LDLRAD4: variants seen among roughly 807,000 people sequenced by gnomAD.
The protein encoded by LDLRAD4 is low-density lipoprotein receptor class A domain-containing protein 4.
In LDLRAD4, 5 loss-of-function variants were observed where a neutral mutation model predicts 17.0. The observed-to-expected ratio is 0.29, with a 90% CI of 0.15 to 0.62. The LOEUF (loss-of-function observed/expected upper bound fraction) is 0.62. Ranked by LOEUF, LDLRAD4 falls within the 20% of genes least tolerant of loss-of-function variation. LDLRAD4 has a pLI of 0.84. For missense variants in LDLRAD4, 340 were observed against 424.7 expected (o/e 0.80, Z 1.75); for synonymous variants, 168 against 171.8 (o/e 0.98, Z 0.17).
intron 3 of LDLRAD4, 98 bp downstream of exon 4, chr18:13,438,482 G>T (rs543638427): frequency 1.1e-5 from 10 of 927,024 alleles, no homozygotes; most frequent in South Asian, 7.9e-5. Flanking sequence ...TTGTTTTCTG[G>T]TTAAGGAAAG....
At chr18:13,550,804 G>A (rs1276957586) in intron 3 of LDLRAD4, among the ~76,000 whole-genome samples, 1 of 152,168 alleles carries the variant, frequency 6.6e-6, no homozygotes, top group Non-Finnish European at 1.5e-5. Flanking sequence ...GCTGTGAGTG[G>A]TGTCCAGAAC....
At chr18:13,396,786 T>TTTTTATTG (rs2086734639) in intron 2 of LDLRAD4, among the ~76,000 whole-genome samples, 1 of 152,206 alleles carries the variant, frequency 6.6e-6, no homozygotes, top group Non-Finnish European at 1.5e-5. Context: ...CCTGGCCTAT[T>TTTTTATTG]TTTTATTGTT....
chr18:13,279,763 A>G (rs1294506686), intron 1 of LDLRAD4: 3 of 152,268 alleles, frequency 2.0e-5, no homozygotes, highest in Admixed American at 1.3e-4. Context: ...CAGAGCAGCT[A>G]AAGAAGAAAT....
chr18:13,612,366 ACT>A (rs1360281771), intron 3 of LDLRAD4: 20 of 1,158,640 alleles, frequency 1.7e-5, no homozygotes, highest in Non-Finnish European at 2.1e-5. Flanking sequence ...GAGACCCCGG[ACT>A]TATTCTCTGC....
intron 2 of LDLRAD4, among the ~76,000 whole-genome samples, chr18:13,397,619 C>T (rs1038747204): frequency 3.3e-5 from 5 of 152,134 alleles, no homozygotes; most frequent in Non-Finnish European, 7.4e-5. Context: ...TTTCTGAATC[C>T]TACCACCTGT....
Position 13,262,290 on chromosome 18 carries a change from A to T in LDLRAD4, c.-466-15815A>T, listed in dbSNP as rs61052364. Among the ~76,000 whole-genome samples, 245 of 130,092 alleles carry T rather than the reference A, an allele frequency of 1.9e-3. 2 individuals carry two copies. Among genetic ancestry groups the T allele is most frequent in the African/African-American group, 7.1e-3 (212 of 29,964 alleles). The allele number at this position is 130,092 out of a possible 152,430, so 85.3% of individuals were successfully genotyped here. Reference sequence around the variant, plus strand: ...GTCCCGTGTGGCCCTGTGCGTGGAAACTGAGTCCCGTGTGGCTCTGTGTGT... The same window carrying T: ...GTCCCGTGTGGCCCTGTGCGTGGAATCTGAGTCCCGTGTGGCTCTGTGTGT... On this transcript the variant is annotated intron_variant, in intron 1 of 5. Transcript: ENST00000399848.
rs944503435 is a variant in LDLRAD4, at chr18:13,346,115, A to C, written c.-382-41226A>C. Among the ~76,000 whole-genome samples the C allele has an allele frequency of 1.5e-4, 23 of 151,996 alleles. No homozygotes were observed. The East Asian group carries it at 2.1e-3, about 14-fold the overall frequency. On this transcript the variant is annotated intron_variant, in intron 1 of 5. Coordinates refer to ENST00000359446, the Ensembl canonical transcript of LDLRAD4. ...CCTGATCTTAGTTATTTCTTGCCTT[A>C]TGCTAGCTTTTGAATGTGTTTGCTC...
chr18:13,572,835 G>A lies in LDLRAD4; in HGVS notation c.182-48282G>A, dbSNP rs142876514. ...AGGAATTTGTTAGCAGTGCATACCC[G>A]TGGCAAGAGCTGTGGCTAAAGCACA... On this transcript the variant is annotated intron_variant, in intron 3 of 5. Transcript: ENST00000359446. Among the ~76,000 whole-genome samples the A allele has an allele frequency of 1.1e-4, 17 of 152,322 alleles. No individual in the cohort carries two copies. In the East Asian group the frequency reaches 1.5e-3, roughly 14 times the overall value.
chr18:13,261,188 T>C (rs932501210), intron 1 of LDLRAD4, among the ~76,000 whole-genome samples: 6 of 152,266 alleles, frequency 3.9e-5, no homozygotes, highest in African/African-American at 1.4e-4. Flanking sequence ...TGGGGCACAT[T>C]AGTCCTGGCT....
chr18:13,484,931 A>T (rs12956521), intron 3 of LDLRAD4, among the ~76,000 whole-genome samples: 43,236 of 152,148 alleles, frequency 0.28, 6,776 homozygotes, highest in Middle Eastern at 0.42. Flanking sequence ...TCACTCTAAA[A>T]CATTAGAATA....
intron 3 of LDLRAD4, among the ~76,000 whole-genome samples, chr18:13,511,380 C>T (rs978702057): frequency 1.6e-4 from 24 of 152,054 alleles, no homozygotes; most frequent in African/African-American, 4.6e-4. Context: ...GGCATGGTCT[C>T]GCACACCTGT....
At position 13,367,670 on chromosome 18, in the gene LDLRAD4, G is replaced by T. The variant is rs1268725701; in HGVS notation, c.-382-19671G>T. 6.6e-6 allele frequency among the ~76,000 whole-genome samples: 1 copy of T among 152,122 alleles called. No individual in the cohort carries two copies. Among genetic ancestry groups the T allele is most frequent in the Non-Finnish European group, 1.5e-5 (1 of 68,020 alleles). On this transcript the variant is annotated intron_variant, in intron 1 of 5. Transcript: ENST00000359446. The surrounding 1 kb of genome is among the most constrained non-coding windows in gnomAD (Gnocchi z 4.1). ...CCCATCTGCTGTCAAGGAGTGTGCCGAGAGGGGACAGCCGGGCACGGGGGC... is the reference window on the plus strand; with the variant it reads ...CCCATCTGCTGTCAAGGAGTGTGCCTAGAGGGGACAGCCGGGCACGGGGGC...
intron 3 of LDLRAD4, among the ~76,000 whole-genome samples, chr18:13,566,209 A>T (rs368186896): frequency 1.3e-5 from 2 of 152,188 alleles, no homozygotes; most frequent in Admixed American, 6.5e-5. Flanking sequence ...GGGAGATAGT[A>T]GGGGAAAGGG....
chr18:13,297,826 G>C (rs2046355923), intron 1 of LDLRAD4, among the ~76,000 whole-genome samples: 1 of 152,208 alleles, frequency 6.6e-6, no homozygotes, highest in Non-Finnish European at 1.5e-5. Flanking sequence ...GTCCAGTGTT[G>C]AAGTCCCTAC....
chr18:13,504,894 T>TAGTGGGA (rs2093666443), intron 3 of LDLRAD4, among the ~76,000 whole-genome samples: 1 of 152,156 alleles, frequency 6.6e-6, no homozygotes, highest in South Asian at 2.1e-4. Flanking sequence ...TATCCACCCT[T>TAGTGGGA]AGTAAGAAGC....
At chr18:13,486,388 A>T (rs1334229922) in intron 3 of LDLRAD4, 1 of 152,278 alleles carries the variant, frequency 6.6e-6, no homozygotes, top group African/African-American at 2.4e-5. Flanking sequence ...ATAGCAAGTT[A>T]CAATTTAAAG....
At chr18:13,636,598 C>G (rs1010506578) in intron 4 of LDLRAD4, among the ~76,000 whole-genome samples, 1 of 139,118 alleles carries the variant, frequency 7.2e-6, no homozygotes, top group African/African-American at 2.5e-5. Context: ...CAGGTTCAAA[C>G]AATTCTCCTG....
intron 3 of LDLRAD4, chr18:13,611,267 A>G (rs1454246227): frequency 6.3e-6 from 1 of 159,732 alleles, no homozygotes; most frequent in Admixed American, 6.5e-5. Flanking sequence ...CCTACAGCCA[A>G]AACTATTGTT....
At chr18:13,547,555 G>A (rs957071426) in intron 3 of LDLRAD4, among the ~76,000 whole-genome samples, 7 of 152,196 alleles carry the variant, frequency 4.6e-5, no homozygotes, top group East Asian at 3.9e-4. Context: ...TGTCAAGGGC[G>A]AGCCAGGTGC....
Sources: allele counts gnomAD v4.1 joint callset (sites outside exome capture counted in the v4.1 genomes callset), GRCh38; gene constraint gnomAD v4.1.1; non-coding constraint Gnocchi (gnomAD v3.1); transcripts MANE v1.5; gene names NCBI Gene and HGNC (gene_info 2026-07-23, HGNC 2026-07-21).